The following CADM2 variants were observed in gnomAD, a reference collection of about 807,000 sequenced individuals.
CADM2 encodes the protein immunoglobulin superfamily member 4D.
Under a neutral mutation model 49.8 loss-of-function variants are expected in CADM2, and 12 were observed. That is an observed-to-expected ratio of 0.24 (90% confidence interval 0.15 to 0.39). The LOEUF (loss-of-function observed/expected upper bound fraction) is 0.39, where lower values mean the gene tolerates loss of function less well. CADM2 is among the 10% of genes least tolerant of loss of function. The probability of loss-of-function intolerance (pLI) is 1.00; values close to 1 mark genes in which losing one functional copy is unlikely to be tolerated. For missense variants in CADM2, 378 were observed against 492.3 expected (o/e 0.77, Z 2.20); for synonymous variants, 214 against 175.4 (o/e 1.22, Z -1.74).
chr3:85,850,500 AT>A (rs947652541), intron 3 of CADM2, among the ~76,000 whole-genome samples: 9 of 148,868 alleles, frequency 6.0e-5, no homozygotes, highest in South Asian at 2.1e-4. Flanking sequence ...AATTTTTTGT[AT>A]TTTTTTTTAG....
chr3:85,673,842 G>A (rs577347173), intron 1 of CADM2, among the ~76,000 whole-genome samples: 1 of 152,234 alleles, frequency 6.6e-6, no homozygotes, highest in Admixed American at 6.5e-5. Context: ...GAGATACTGG[G>A]ATGCTAAATC....
chr3:85,650,849 A>G (rs868230130), intron 1 of CADM2, among the ~76,000 whole-genome samples: 9 of 150,206 alleles, frequency 6.0e-5, no homozygotes, highest in African/African-American at 2.0e-4. Context: ...TTTTCAAAAG[A>G]AGGATGCCTT....
chr3:85,240,762 G>A (rs2042513653), intron 1 of CADM2, among the ~76,000 whole-genome samples: 1 of 151,502 alleles, frequency 6.6e-6, no homozygotes, highest in African/African-American at 2.4e-5. Flanking sequence ...CTAAAGATGA[G>A]CAAGGATTTG....
At chr3:85,477,983 T>C (rs918040141) in intron 1 of CADM2, among the ~76,000 whole-genome samples, 2 of 151,968 alleles carry the variant, frequency 1.3e-5, no homozygotes, top group African/African-American at 2.4e-5. Context: ...AATAAGAGTT[T>C]TTAAAAATAT....
At chr3:85,095,773 A>AT (rs1243638218) in intron 1 of CADM2, among the ~76,000 whole-genome samples, 1 of 152,052 alleles carries the variant, frequency 6.6e-6, no homozygotes, top group African/African-American at 2.4e-5. Context: ...CACATCTCTA[A>AT]TTTTTTTCTA....
At chr3:86,047,953 G>T (rs546744673) in intron 8 of CADM2, among the ~76,000 whole-genome samples, 14 of 152,100 alleles carry the variant, frequency 9.2e-5, no homozygotes, top group Admixed American at 2.0e-4. Context: ...AGGAAAATGT[G>T]AGTTAGCAAA....
rs561466363 is a variant in CADM2, at chr3:85,511,045, A to T, written c.62-215477A>T. Among the ~76,000 whole-genome samples the T allele has an allele frequency of 6.7e-4, 102 of 152,206 alleles. No individual in the cohort carries two copies. The South Asian group carries it at 0.019, about 29-fold the overall frequency. On this transcript the variant is annotated intron_variant, in intron 1 of 9. Coordinates refer to ENST00000383699, the MANE Select transcript of CADM2 (RefSeq NM_001167675.2). ...TAATTTTAAAACATTTATAACCCCA[A>T]TAAGGTACTCAACTAATATTTCACA...
chr3:86,023,972 T>A (rs1733539319), intron 8 of CADM2, among the ~76,000 whole-genome samples: 1 of 152,220 alleles, frequency 6.6e-6, no homozygotes, highest in South Asian at 2.1e-4. Flanking sequence ...ACTTTCACAT[T>A]CTGTCCATGC....
rs183497676 is a variant in CADM2 at position 84,959,545 on chromosome 3, T to C, written c.-63T>C. ...ACACCAGCGGAGCCCTGCACTCTCGTGCCCCGCTCACCAGCATCTACTTGC... is the reference window on the plus strand; with the variant it reads ...ACACCAGCGGAGCCCTGCACTCTCGCGCCCCGCTCACCAGCATCTACTTGC... On this transcript the variant is annotated 5_prime_UTR_variant, in exon 1 of 10. Coordinates refer to ENST00000383699, the MANE Select transcript of CADM2 (RefSeq NM_001167675.2). 3.0e-4 allele frequency: 440 copies of C among 1,459,446 alleles called. No individual in the cohort carries two copies. In the African/African-American group the frequency reaches 5.4e-3, roughly 18 times the overall value. 90.4% of individuals were successfully genotyped at this position (1,459,446 alleles called of 1,614,324 possible). A position where few individuals can be genotyped will look rare whatever the true frequency, so the allele number is the denominator to read the frequency against.
intron 1 of CADM2, among the ~76,000 whole-genome samples, chr3:85,471,998 C>A (rs1185691844): frequency 6.6e-6 from 1 of 151,762 alleles, no homozygotes; most frequent in Non-Finnish European, 1.5e-5. Flanking sequence ...TGTAGTGAGA[C>A]TCTTAGTGTA....
intron 3 of CADM2, among the ~76,000 whole-genome samples, chr3:85,824,764 A>G (rs2073810274): frequency 1.3e-5 from 2 of 152,064 alleles, no homozygotes; most frequent in African/African-American, 2.4e-5. Context: ...TCCTGTATGG[A>G]GCAAGGTCAG....
intron 1 of CADM2, among the ~76,000 whole-genome samples, chr3:85,493,342 A>G (rs968077715): frequency 6.6e-6 from 1 of 152,146 alleles, no homozygotes; most frequent in African/African-American, 2.4e-5. Flanking sequence ...TTGTTCTGAC[A>G]TAACTGTTAG....
At chr3:85,975,172 T>C (rs902688062) in intron 8 of CADM2, among the ~76,000 whole-genome samples, 5 of 151,488 alleles carry the variant, frequency 3.3e-5, no homozygotes, top group African/African-American at 1.2e-4. Context: ...ATATCCTATC[T>C]AAAACCATCA....
chr3:85,851,899 G>A (rs1299196315), intron 3 of CADM2, among the ~76,000 whole-genome samples: 1 of 151,960 alleles, frequency 6.6e-6, no homozygotes, highest in Non-Finnish European at 1.5e-5. Flanking sequence ...GAATGAAGGA[G>A]AACAAATGTG....
At chr3:86,021,437 AT>A (rs1267079405) in intron 8 of CADM2, among the ~76,000 whole-genome samples, 1 of 152,176 alleles carries the variant, frequency 6.6e-6, no homozygotes, top group African/African-American at 2.4e-5. Flanking sequence ...ATAGAAATTC[AT>A]TAGTGTAGAC....
At chr3:85,150,607 T>C (rs571217609) in intron 1 of CADM2, among the ~76,000 whole-genome samples, 1 of 152,146 alleles carries the variant, frequency 6.6e-6, no homozygotes, top group African/African-American at 2.4e-5. Context: ...TTCAATCCAT[T>C]AAGAAAGTCA....
At chr3:85,244,255 C>T (rs553106593) in intron 1 of CADM2, among the ~76,000 whole-genome samples, 27 of 152,206 alleles carry the variant, frequency 1.8e-4, no homozygotes, top group Non-Finnish European at 3.4e-4. Context: ...CTCAATAACA[C>T]GCAAGGGCTG....
intron 1 of CADM2, among the ~76,000 whole-genome samples, chr3:85,594,074 A>G (rs1347990026): frequency 1.3e-5 from 2 of 151,946 alleles, no homozygotes; most frequent in South Asian, 2.1e-4. Flanking sequence ...ATATTTGCTG[A>G]TGTAAATTCT....
intron 1 of CADM2, among the ~76,000 whole-genome samples, chr3:85,226,068 G>T (rs978272203): frequency 1.3e-5 from 2 of 151,294 alleles, no homozygotes; most frequent in Non-Finnish European, 3.0e-5. Context: ...TTTTGTTGTT[G>T]TTGTTGTTTT....
Sources: gnomAD v4.1 joint callset for allele counts (sites outside exome capture counted in the v4.1 genomes callset) on GRCh38, gnomAD v4.1.1 for gene constraint, MANE v1.5 for transcripts, NCBI Gene and HGNC (gene_info 2026-07-23, HGNC 2026-07-21) for gene names.